FBP1: variants seen among roughly 807,000 people sequenced by gnomAD.
FBP1 encodes the protein fructose-bisphosphatase 1.
In FBP1, 22 loss-of-function variants were observed where a neutral mutation model predicts 29.9. The observed-to-expected ratio is 0.74, with a 90% CI of 0.53 to 1.05. The LOEUF (loss-of-function observed/expected upper bound fraction) is 1.05. Among genes scored for constraint, FBP1 ranks in the 50% least tolerant of loss-of-function variants. The pLI is 0.00. For synonymous variants in FBP1, 175 were observed against 178.6 expected, an observed-to-expected ratio of 0.98 and a Z score of 0.16; for missense variants, 345 against 448.2, an observed-to-expected ratio of 0.77 and a Z score of 2.08.
At chr9:94,624,636 A>G (rs1328706196) in intron 1 of FBP1, among the ~76,000 whole-genome samples, 1 of 152,188 alleles carries the variant, frequency 6.6e-6, no homozygotes, top group African/African-American at 2.4e-5. Context: ...CTGGGCAACA[A>G]GAGCGAAACG....
chr9:94,614,703 G>A (rs1827837342), intron 3 of FBP1, among the ~76,000 whole-genome samples: 1 of 152,102 alleles, frequency 6.6e-6, no homozygotes, highest in African/African-American at 2.4e-5. Flanking sequence ...CTGGGCGTGG[G>A]CACCATGGTG....
intron 1 of FBP1, among the ~76,000 whole-genome samples, chr9:94,625,432 C>T (rs985217541): frequency 2.0e-5 from 3 of 152,036 alleles, no homozygotes; most frequent in African/African-American, 7.2e-5. Context: ...CCAAGCCATG[C>T]GGGGCTCTCA....
chr9:94,620,451 C>T lies in FBP1; in HGVS notation c.211G>A (p.Val71Ile), dbSNP rs779937635. Residue 71 changes from valine to isoleucine, a missense_variant, in exon 2 of 7, where the codon GTT becomes ATT. By Grantham distance (29) the Val-to-Ile change is conservative. Transcript: ENST00000375326. ...AGSTNVTGDQ[V>I]KKLDVLSNDL... ...TTGGAGAGGACGTCCAGCTTCTTAA[C>T]TTGATCACCTGTCACGTTGGTAGAA... 1.9e-6 allele frequency: 3 copies of T among 1,614,174 alleles called. No homozygotes were observed. The highest frequency in any genetic ancestry group is 2.5e-6 in the Non-Finnish European group (3 of 1,180,030).
chr9:94,617,579 T>C (rs1439360546), intron 3 of FBP1, among the ~76,000 whole-genome samples, 189 bp downstream of exon 3: 1 of 152,204 alleles, frequency 6.6e-6, no homozygotes, highest in Non-Finnish European at 1.5e-5. Flanking sequence ...CCCTATATTC[T>C]CTTTCAACAA....
chr9:94,605,342 G>A (rs1314017808), intron 6 of FBP1, 115 bp downstream of exon 6: 12 of 1,069,318 alleles, frequency 1.1e-5, no homozygotes, highest in East Asian at 7.8e-5. Context: ...ACAGACACAC[G>A]TAGCAACCTA....
At chr9:94,630,955 G>C (rs1443441286) in intron 1 of FBP1, among the ~76,000 whole-genome samples, 5 of 152,114 alleles carry the variant, frequency 3.3e-5, no homozygotes, top group African/African-American at 1.2e-4. Flanking sequence ...GTTGATCTGG[G>C]GATTGGGGGA....
Position 94,617,934 on chromosome 9 carries a change from T to C in FBP1, c.334-74A>G. On this transcript the variant is annotated intron_variant, in intron 2 of 6. Transcript: ENST00000375326. The stretch of plus-strand genomic sequence containing the variant: ...CACTAAAGGAGTATACATTAGGGGC[T>C]AAGAATGGGAATTTAGAAGAAAGTT... The C allele has an allele frequency of 7.8e-6, 9 of 1,156,370 alleles. No homozygotes were observed. In the South Asian group the frequency reaches 1.1e-4, roughly 15 times the overall value. The allele number at this position is 1,156,370 out of a possible 1,614,324, so 71.6% of individuals were successfully genotyped here. A position where few individuals can be genotyped will look rare whatever the true frequency, so the allele number is the denominator to read the frequency against.
At chr9:94,640,180 G>GTTGTGTGGT (rs1828264955), upstream of FBP1, 1 of 152,220 alleles carries the variant, frequency 6.6e-6, no homozygotes, top group Non-Finnish European at 1.5e-5. Flanking sequence ...CGCTGACACA[G>GTTGTGTGGT]AGTCCTCGGC....
Position 94,608,311 on chromosome 9 carries a change from GC to G in FBP1, c.568-1360del, listed in dbSNP as rs1164357311. ...CCCGTCAGGCACCGCAGACAGAAGG[GC>G]TGGAATCAAATCCCAGCAGCCCTGC... On this transcript the variant is annotated intron_variant, in intron 4 of 6. Coordinates refer to ENST00000375326, the MANE Select transcript of FBP1 (RefSeq NM_000507.4). Among the ~76,000 whole-genome samples the G allele has an allele frequency of 3.3e-5, 5 of 152,232 alleles. No individual in the cohort carries two copies. In the East Asian group the frequency reaches 9.6e-4, roughly 29 times the overall value.
intron 6 of FBP1, 46 bp from the exon 7 acceptor site, chr9:94,603,618 T>G: frequency 1.3e-6 from 2 of 1,575,376 alleles, no homozygotes; most frequent in Non-Finnish European, 1.7e-6. Context: ...CAGAAGGTAT[T>G]GCGTAAAAAA....
At position 94,610,176 on chromosome 9, in the gene FBP1, T is replaced by C. The variant is rs912262494; in HGVS notation, c.427-115A>G. 7.7e-6 allele frequency: 8 copies of C among 1,044,142 alleles called. No homozygotes were observed. In the African/African-American group the frequency reaches 1.1e-4, roughly 14 times the overall value. The allele number at this position is 1,044,142 out of a possible 1,614,324, so 64.7% of individuals were successfully genotyped here. On this transcript the variant is annotated intron_variant, in intron 3 of 6. Transcript: ENST00000375326. The stretch of plus-strand genomic sequence containing the variant: ...TGCTCTTCTAATGAAATAGGGCATC[T>C]TCCCAGAGGGGCCTTCCCCTACACA...
At chr9:94,606,257 T>A (rs1373041514) in intron 5 of FBP1, among the ~76,000 whole-genome samples, 1 of 152,146 alleles carries the variant, frequency 6.6e-6, no homozygotes, top group African/African-American at 2.4e-5. Context: ...TTTCTTCTCT[T>A]CATATTCACT....
chr9:94,635,358 G>T (rs1351410305), intron 1 of FBP1, among the ~76,000 whole-genome samples: 1 of 152,182 alleles, frequency 6.6e-6, no homozygotes, highest in Non-Finnish European at 1.5e-5. Context: ...TTTAACAGGA[G>T]CAATGAAAGT....
intron 3 of FBP1, among the ~76,000 whole-genome samples, chr9:94,615,417 A>C (rs1192655270): frequency 6.6e-6 from 1 of 152,102 alleles, no homozygotes; most frequent in Admixed American, 6.6e-5. Context: ...GAATGGGCTT[A>C]GTAAACATCA....
intron 1 of FBP1, among the ~76,000 whole-genome samples, chr9:94,634,928 A>C (rs1022593408): frequency 1.3e-5 from 2 of 152,066 alleles, no homozygotes; most frequent in African/African-American, 4.8e-5. Flanking sequence ...ATCTCTACTA[A>C]AAATACAAAA....
chr9:94,607,001 C>T (rs1371314342), intron 4 of FBP1, 49 bp from the exon 5 acceptor site: 4 of 1,612,310 alleles, frequency 2.5e-6, no homozygotes, highest in African/African-American at 2.7e-5. Context: ...CGCACTGGGT[C>T]CCCCAGGCCT....
intron 1 of FBP1, among the ~76,000 whole-genome samples, chr9:94,638,912 C>A (rs980981551): frequency 6.6e-6 from 1 of 152,102 alleles, no homozygotes; most frequent in African/African-American, 2.4e-5. Flanking sequence ...GTGAGACGGA[C>A]CCCCAGGTGG....
chr9:94,610,866 CTTT>C (rs5899227), intron 3 of FBP1, among the ~76,000 whole-genome samples: 6 of 143,892 alleles, frequency 4.2e-5, no homozygotes, highest in Admixed American at 7.0e-5. Context: ...TGATTTTCTT[CTTT>C]TTTTTTTTTT....
chr9:94,608,965 C>T (rs1827740737), intron 4 of FBP1, among the ~76,000 whole-genome samples: 1 of 152,150 alleles, frequency 6.6e-6, no homozygotes, highest in East Asian at 1.9e-4. Flanking sequence ...CTTTGGGAGG[C>T]TGAGGCGGGC....
Sources: allele counts gnomAD v4.1 joint callset (sites outside exome capture counted in the v4.1 genomes callset), GRCh38; gene constraint gnomAD v4.1.1; transcripts MANE v1.5; gene names NCBI Gene and HGNC (gene_info 2026-07-23, HGNC 2026-07-21).